HDLBP: variants seen among roughly 807,000 people sequenced by gnomAD.
HDLBP encodes the protein high density lipoprotein binding protein.
A neutral mutation model predicts 137.3 loss-of-function variants in HDLBP; 30 were observed. The observed-to-expected ratio is 0.22, with a 90% CI of 0.16 to 0.30. The LOEUF is 0.30. HDLBP is among the 10% of genes least tolerant of loss of function. The pLI is 1.00. For synonymous variants in HDLBP, 606 were observed against 596.0 expected (o/e 1.02, Z -0.24); for missense variants, 1,119 against 1,667.3 (o/e 0.67, Z 5.73).
chr2:241,284,655 C>T (rs909935319), intron 1 of HDLBP, among the ~76,000 whole-genome samples: 11 of 152,146 alleles, frequency 7.2e-5, no homozygotes, highest in Non-Finnish European at 1.5e-4. Flanking sequence ...AAAATGCAAT[C>T]AAACAACATC....
At chr2:241,259,042 T>C (rs2072942295) in intron 5 of HDLBP, among the ~76,000 whole-genome samples, 1 of 152,166 alleles carries the variant, frequency 6.6e-6, no homozygotes, top group South Asian at 2.1e-4. Flanking sequence ...ACATAATTTG[T>C]AACAGCTAAA....
intron 3 of HDLBP, among the ~76,000 whole-genome samples, chr2:241,266,346 G>A (rs540088530): frequency 1.3e-4 from 20 of 152,134 alleles, no homozygotes; most frequent in Non-Finnish European, 2.2e-4. Context: ...AATTGTACAC[G>A]TGGCTTGTAG....
intron 1 of HDLBP, among the ~76,000 whole-genome samples, chr2:241,292,024 C>T (rs1488935773): frequency 6.6e-6 from 1 of 152,170 alleles, no homozygotes; most frequent in Non-Finnish European, 1.5e-5. Flanking sequence ...AACTAAATAA[C>T]GGGTACAAGC....
At chr2:241,302,104 AT>A (rs1413996304) in intron 1 of HDLBP, among the ~76,000 whole-genome samples, 2 of 147,690 alleles carry the variant, frequency 1.4e-5, no homozygotes, top group Admixed American at 6.8e-5. Flanking sequence ...AAAAAAAAAA[AT>A]TTAATTAGCC....
intron 1 of HDLBP, chr2:241,279,873 G>A: frequency 2.0e-6 from 2 of 977,338 alleles, no homozygotes; most frequent in Non-Finnish European, 2.4e-6. Flanking sequence ...CTAATTGTCA[G>A]TGGATAACAT....
At chr2:241,304,926 CTT>C (rs1471116119) in intron 1 of HDLBP, among the ~76,000 whole-genome samples, 5 of 152,224 alleles carry the variant, frequency 3.3e-5, no homozygotes, top group African/African-American at 1.2e-4. Context: ...GGGCCTGTCT[CTT>C]CTCCTATAAA....
chr2:241,253,119 G>A, intron 10 of HDLBP, 84 bp from the exon 11 acceptor site: 1 of 976,372 alleles, frequency 1.0e-6, no homozygotes, highest in Non-Finnish European at 1.6e-6. Flanking sequence ...CTCCACGGTT[G>A]CCTTTTCTGA....
chr2:241,309,795 G>C (rs1399210426), intron 1 of HDLBP, among the ~76,000 whole-genome samples: 1 of 152,230 alleles, frequency 6.6e-6, no homozygotes, highest in African/African-American at 2.4e-5. Flanking sequence ...AGGGAAGTAA[G>C]CTCTTTTATG....
intron 14 of HDLBP, chr2:241,247,446 G>A (rs548006070): frequency 2.8e-5 from 11 of 388,290 alleles, no homozygotes; most frequent in African/African-American, 2.0e-4. Flanking sequence ...GGACCCCTAC[G>A]CTCTGGGCAA....
chr2:241,313,017 A>C (rs2075799008), intron 1 of HDLBP, among the ~76,000 whole-genome samples: 1 of 152,158 alleles, frequency 6.6e-6, no homozygotes, highest in South Asian at 2.1e-4. Flanking sequence ...CACCAACTAT[A>C]AATGTCAGCC....
At chr2:241,304,220 C>G (rs2149704031) in intron 1 of HDLBP, among the ~76,000 whole-genome samples, 1 of 152,374 alleles carries the variant, frequency 6.6e-6, no homozygotes, top group Non-Finnish European at 1.5e-5. Flanking sequence ...TCAAGTTACT[C>G]TGCTAAGCCA....
Position 241,299,061 on chromosome 2 carries a change from A to G in HDLBP, c.-103+16509T>C, listed in dbSNP as rs565859573. Among the ~76,000 whole-genome samples, 4 of 152,322 alleles carry G rather than the reference A, an allele frequency of 2.6e-5. No individual in the cohort carries two copies. In the South Asian group the frequency reaches 6.2e-4, roughly 24 times the overall value. ...GGTTAAGGAGGAAGGTGTCTTGTCT[A>G]TAAGTAAACATACCAAAATATCCCA... is the stretch of plus-strand genomic sequence containing the variant. On this transcript the variant is annotated intron_variant, in intron 1 of 27. Transcript: ENST00000310931.
At chr2:241,268,064 A>G in intron 2 of HDLBP, 1 of 646,528 alleles carries the variant, frequency 1.5e-6, no homozygotes, top group African/African-American at 2.0e-5. Flanking sequence ...TTTTCTTTAC[A>G]CAATTACGCA....
chr2:241,229,784 G>GGGCCCCCCCC, intron 27 of HDLBP, 49 bp downstream of exon 27: 1 of 1,502,544 alleles, frequency 6.7e-7, no homozygotes, highest in Non-Finnish European at 9.1e-7. Context: ...AAGCCCGCCT[G>GGGCCCCCCCC]CCCGCCCACC....
chr2:241,256,661 G>A lies in HDLBP; in HGVS notation c.596C>T (p.Thr199Ile). 1 of 1,614,238 alleles carries A rather than the reference G, an allele frequency of 6.2e-7. No individual in the cohort carries two copies. Among genetic ancestry groups the A allele is most frequent in the Non-Finnish European group, 8.5e-7 (1 of 1,180,046 alleles). ...TTTCTCGATGCCCTCTTTGGTGCCAGTGATCTTGATCTGATTGCTGGGGTC... is the reference window on the plus strand; with the variant it reads ...TTTCTCGATGCCCTCTTTGGTGCCAATGATCTTGATCTGATTGCTGGGGTC... ...PDDPSNQIKI[T>I]GTKEGIEKAR... Residue 199 changes from threonine to isoleucine, a missense_variant, in exon 6 of 28, where the codon ACT becomes ATT. Around this residue, in one of 4 missense-constraint regions of HDLBP, gnomAD observed 425 missense variants for 693.9 expected, o/e 0.61. Coordinates refer to ENST00000310931, the MANE Select transcript of HDLBP (RefSeq NM_005336.6).
chr2:241,235,352 C>A, intron 22 of HDLBP, 97 bp from the exon 23 acceptor site: 4 of 1,560,576 alleles, frequency 2.6e-6, no homozygotes, highest in Non-Finnish European at 3.5e-6. Context: ...GGGAAGGCCA[C>A]CCGCCGTGAA....
intron 1 of HDLBP, among the ~76,000 whole-genome samples, chr2:241,273,996 T>C (rs1191668268): frequency 6.6e-6 from 1 of 152,064 alleles, no homozygotes; most frequent in Non-Finnish European, 1.5e-5. Context: ...ATTTGGTATA[T>C]ATTCAGAAAG....
At chr2:241,270,882 G>T (rs1368580244) in intron 1 of HDLBP, 1 of 741,482 alleles carries the variant, frequency 1.3e-6, no homozygotes, top group African/African-American at 1.9e-5. Context: ...GGCTAACATC[G>T]GGTATCTCAG....
rs780049325 is a variant in HDLBP at position 241,236,589 on chromosome 2, G to A, written c.2904+26C>T. On this transcript the variant is annotated intron_variant, in intron 21 of 27. Coordinates refer to ENST00000310931, the MANE Select transcript of HDLBP (RefSeq NM_005336.6). The stretch of plus-strand genomic sequence containing the variant: ...CCTGCTGACTGGGCCTTGGCGGGGG[G>A]TGGAGGGGGGCACATGGACACATAC... The A allele has an allele frequency of 3.1e-6, 5 of 1,611,856 alleles. No individual in the cohort carries two copies. In the African/African-American group the frequency reaches 6.7e-5, roughly 22 times the overall value.
Sources: allele counts gnomAD v4.1 joint callset (sites outside exome capture counted in the v4.1 genomes callset), GRCh38; gene constraint gnomAD v4.1.1; regional missense constraint gnomAD v4.1.1; transcripts MANE v1.5; gene names NCBI Gene and HGNC (gene_info 2026-07-23, HGNC 2026-07-21).